The following SP140 variants were observed in gnomAD, a reference collection of about 807,000 sequenced individuals.
SP140 encodes nuclear body protein SP140.
In SP140, 81 loss-of-function variants were observed where a neutral mutation model predicts 125.0. The observed-to-expected ratio is 0.65, with a 90% CI of 0.54 to 0.78. The LOEUF is 0.78. SP140 is among the 30% of genes least tolerant of loss of function. The probability of loss-of-function intolerance (pLI) is 0.00; values close to 1 mark genes in which losing one functional copy is unlikely to be tolerated. For synonymous variants in SP140, 312 were observed against 354.0 expected (o/e 0.88, Z 1.33); for missense variants, 858 against 1,037.0 (o/e 0.83, Z 2.37).
intron 22 of SP140, among the ~76,000 whole-genome samples, chr2:230,299,983 A>C (rs576235293): frequency 6.6e-6 from 1 of 152,270 alleles, no homozygotes; most frequent in Middle Eastern, 3.4e-3. Context: ...GAGCTCAGAC[A>C]CACCTAACCC....
chr2:230,206,341 T>C (rs2043795597), intron 1 of SP140, among the ~76,000 whole-genome samples: 2 of 151,872 alleles, frequency 1.3e-5, no homozygotes, highest in Non-Finnish European at 2.9e-5. Context: ...TCTGAATTTA[T>C]CTTAGTCTCT....
At chr2:230,259,529 T>C (rs2051829294) in intron 12 of SP140, among the ~76,000 whole-genome samples, 1 of 147,224 alleles carries the variant, frequency 6.8e-6, no homozygotes, top group African/African-American at 2.5e-5. Context: ...AAAAAAAAAA[T>C]ACAAAAATTA....
At chr2:230,286,112 TG>T (rs2056351302) in intron 17 of SP140, among the ~76,000 whole-genome samples, 2 of 152,368 alleles carry the variant, frequency 1.3e-5, no homozygotes, top group Admixed American at 1.3e-4. Flanking sequence ...TTTATTAAAA[TG>T]GCTGGACCTG....
At chr2:230,239,764 C>A (rs9288660) in intron 3 of SP140, among the ~76,000 whole-genome samples, 93,552 of 152,110 alleles carry the variant, frequency 0.62, 29,046 homozygotes, top group Middle Eastern at 0.66. Flanking sequence ...TTATCTTTAA[C>A]TTTTGTCCCA....
intron 5 of SP140, 83 bp downstream of exon 5, chr2:230,243,894 A>C: frequency 1.1e-6 from 1 of 926,060 alleles, no homozygotes; most frequent in Non-Finnish European, 1.8e-6. Flanking sequence ...AATGCATTTT[A>C]CTCTGAGTAC....
intron 19 of SP140, among the ~76,000 whole-genome samples, chr2:230,291,628 C>A (rs2057123574): frequency 6.6e-6 from 1 of 152,170 alleles, no homozygotes; most frequent in Admixed American, 6.5e-5. Flanking sequence ...TAATATATGT[C>A]ATTGTATAGA....
intron 26 of SP140, 58 bp from the exon 27 acceptor site, chr2:230,312,528 A>G: frequency 8.9e-7 from 1 of 1,118,944 alleles, no homozygotes; most frequent in Non-Finnish European, 1.3e-6. Flanking sequence ...CTCAGTTGAA[A>G]GGTGTCTCAT....
At chr2:230,247,851 C>A in intron 7 of SP140, 65 bp from the exon 8 acceptor site, 1 of 1,524,542 alleles carries the variant, frequency 6.6e-7, no homozygotes, top group South Asian at 1.2e-5. Flanking sequence ...CCATCATGCT[C>A]ACTAATCTAG....
chr2:230,302,151 C>T (rs915779375), intron 22 of SP140, among the ~76,000 whole-genome samples: 4 of 151,464 alleles, frequency 2.6e-5, no homozygotes, highest in East Asian at 1.9e-4. Context: ...TTTGGGAGGC[C>T]GAGGTGGGTG....
At chr2:230,231,317 A>G (rs1175899346) in intron 1 of SP140, among the ~76,000 whole-genome samples, 1 of 152,144 alleles carries the variant, frequency 6.6e-6, no homozygotes, top group African/African-American at 2.4e-5. Flanking sequence ...GGCATGTCTT[A>G]TAATTTTTTT....
chr2:230,310,355 A>G, intron 23 of SP140: 1 of 482,452 alleles, frequency 2.1e-6, no homozygotes, highest in East Asian at 4.0e-5. Context: ...AGTTGTTTAT[A>G]TTTTGTGCTT....
downstream of SP140, among the ~76,000 whole-genome samples, chr2:230,315,288 C>G (rs2059477234): frequency 6.6e-6 from 1 of 152,112 alleles, no homozygotes; most frequent in Non-Finnish European, 1.5e-5. Context: ...ATCACTGATT[C>G]CCTCAAGTTT....
chr2:230,251,989 G>A (rs780456953), intron 10 of SP140, among the ~76,000 whole-genome samples: 3 of 151,996 alleles, frequency 2.0e-5, no homozygotes, highest in Non-Finnish European at 2.9e-5. Context: ...GGGTTAGGGT[G>A]GGGTCCCATA....
At chr2:230,215,349 C>T (rs571502053) in intron 3 of SP140, among the ~76,000 whole-genome samples, 1 of 152,292 alleles carries the variant, frequency 6.6e-6, no homozygotes, top group South Asian at 2.1e-4. Context: ...ATTTAGCTTT[C>T]TTAAAGTAAG....
Position 230,207,893 on chromosome 2 carries a change from A to T in SP140, c.-323+4614A>T, listed in dbSNP as rs78149815. On this transcript the variant is annotated intron_variant, in intron 1 of 4. Transcript: ENST00000456542. ...GACTAAATCTCTTCAATGGCTTCCC[A>T]TTGCATTTAGAATAAAATTCAACCC... The T allele has an allele frequency of 8.4e-3, 5,901 of 702,900 alleles. 247 individuals carry two copies. The African/African-American group carries it at 0.094, about 11-fold the overall frequency. The allele number at this position is 702,900 out of a possible 1,614,324, so 43.5% of individuals were successfully genotyped here.
rs181547303 is a variant in SP140, at chr2:230,267,030, T to G, written c.1241-2502T>G. ...GGGAAAGAAATATTTGGGGGCCATC[T>G]TAGAATTCTGCCTATCGTCAAGGAA... On this transcript the variant is annotated intron_variant, in intron 12 of 26. Transcript: ENST00000392045. Among the ~76,000 whole-genome samples, 664 of 152,354 alleles carry G rather than the reference T, an allele frequency of 4.4e-3. 3 individuals are homozygous for G. The highest frequency in any genetic ancestry group is 6.3e-3 in the Non-Finnish European group (432 of 68,032).
intron 6 of SP140, 128 bp from the exon 7 acceptor site, chr2:230,245,735 T>C (rs1358107172): frequency 3.2e-6 from 2 of 630,396 alleles, no homozygotes; most frequent in South Asian, 1.9e-5. Context: ...GAGCCACTTT[T>C]GTTTGGTGCA....
chr2:230,263,089 C>T (rs1444396204), intron 12 of SP140, among the ~76,000 whole-genome samples: 4 of 152,058 alleles, frequency 2.6e-5, no homozygotes, highest in African/African-American at 9.7e-5. Flanking sequence ...GTGTTGCTGT[C>T]TATCTCATTT....
chr2:230,215,214 C>G, intron 3 of SP140: 1 of 978,370 alleles, frequency 1.0e-6, no homozygotes, highest in Non-Finnish European at 1.6e-6. Flanking sequence ...AGCTACCTTA[C>G]TCTTTTAAGA....
Sources: allele counts gnomAD v4.1 joint callset (sites outside exome capture counted in the v4.1 genomes callset), GRCh38; gene constraint gnomAD v4.1.1; transcripts MANE v1.5; gene names NCBI Gene and HGNC (gene_info 2026-07-23, HGNC 2026-07-21).